PDXDC1: variants seen among roughly 807,000 people sequenced by gnomAD.
PDXDC1 encodes the protein pyridoxal dependent decarboxylase domain containing 1, also known as pyridoxal-dependent decarboxylase domain-containing protein 1.
In PDXDC1, 42 loss-of-function variants were observed where a neutral mutation model predicts 100.1. That is an observed-to-expected ratio of 0.42 (90% CI 0.33 to 0.54). The LOEUF (loss-of-function observed/expected upper bound fraction) is 0.54, where lower values mean the gene tolerates loss of function less well. Ranked by LOEUF, PDXDC1 falls within the 20% of genes least tolerant of loss-of-function variation. The pLI is 0.10. For synonymous variants in PDXDC1, 260 were observed against 371.7 expected (o/e 0.70, Z 3.46); for missense variants, 636 against 979.2 (o/e 0.65, Z 4.68).
chr16:15,098,653 T>C (rs1217409081), intron 16 of PDXDC1, among the ~76,000 whole-genome samples: 1 of 151,404 alleles, frequency 6.6e-6, no homozygotes, highest in Admixed American at 6.6e-5. Flanking sequence ...CCAAGGTGGG[T>C]GGATCACCTG....
chr16:15,118,746 TTTAA>T (rs2065866519), intron 16 of PDXDC1, among the ~76,000 whole-genome samples: 1 of 145,006 alleles, frequency 6.9e-6, no homozygotes, highest in South Asian at 2.2e-4. Context: ...CACCGACCTA[TTTAA>T]TTTTCATAAT....
chr16:15,117,561 T>C (rs1344688360), intron 16 of PDXDC1, among the ~76,000 whole-genome samples: 2 of 151,194 alleles, frequency 1.3e-5, no homozygotes, highest in African/African-American at 4.9e-5. Context: ...GGCATGGTGG[T>C]GGGCACCTGT....
At chr16:15,030,784 C>T (rs1339453228) in intron 16 of PDXDC1, among the ~76,000 whole-genome samples, 4 of 151,582 alleles carry the variant, frequency 2.6e-5, no homozygotes, top group Admixed American at 6.6e-5. Flanking sequence ...GGTTTTGCCA[C>T]GTTGGCCAGG....
intron 1 of PDXDC1, among the ~76,000 whole-genome samples, chr16:14,991,437 AC>A (rs1324822386): frequency 6.6e-6 from 1 of 152,252 alleles, no homozygotes; most frequent in Non-Finnish European, 1.5e-5. Context: ...AGTAGTTGGG[AC>A]TACAGGCGTG....
intron 16 of PDXDC1, among the ~76,000 whole-genome samples, chr16:15,106,619 G>A (rs1211144951): frequency 6.7e-6 from 1 of 149,194 alleles, no homozygotes; most frequent in African/African-American, 2.4e-5. Context: ...GGCGGGCGTG[G>A]TGGCAGGCAC....
chr16:14,978,881 T>A (rs1368900154), intron 1 of PDXDC1, among the ~76,000 whole-genome samples: 3 of 152,294 alleles, frequency 2.0e-5, no homozygotes, highest in Non-Finnish European at 2.9e-5. Flanking sequence ...TTGGGTCAGA[T>A]AATTTGCTGT....
rs140949818 is a variant in PDXDC1, at chr16:15,112,056, G to A, written c.1400-26823G>A. Among the ~76,000 whole-genome samples, 609 of 147,230 alleles carry A rather than the reference G, an allele frequency of 4.1e-3. 14 individuals are homozygous for A. The highest frequency in any genetic ancestry group is 0.014 in the African/African-American group (564 of 41,228). On this transcript the variant is annotated intron_variant, in intron 16 of 16. Coordinates refer to the PDXDC1 transcript ENST00000535621. ...TCGTTGAGGCTGGTTTGAACTTTAC[G>A]CAAAACATTCTCACTAATGACTGAA...
At chr16:15,142,915 G>A (rs1296529557), downstream of PDXDC1, among the ~76,000 whole-genome samples, 2 of 152,076 alleles carry the variant, frequency 1.3e-5, no homozygotes, top group African/African-American at 4.8e-5. Context: ...ACAGAGCAGA[G>A]TGCAGGGTCC....
At chr16:15,147,817 T>G in the PDXDC1 span, among the ~76,000 whole-genome samples, 1 of 151,986 alleles carries the variant, frequency 6.6e-6, no homozygotes, top group East Asian at 1.9e-4. Context: ...GCCTCCTAAT[T>G]AGCTGGGATT....
chr16:15,121,027 G>GAAAT (rs1378480865), intron 16 of PDXDC1, among the ~76,000 whole-genome samples: 1 of 97,106 alleles, frequency 1.0e-5, no homozygotes, highest in African/African-American at 5.0e-5. Flanking sequence ...GAATAGTGTG[G>GAAAT]GATTTCTCTA....
chr16:15,067,144 C>A (rs1256482526), intron 16 of PDXDC1, among the ~76,000 whole-genome samples: 4 of 151,184 alleles, frequency 2.6e-5, no homozygotes, highest in Non-Finnish European at 4.4e-5. Flanking sequence ...AGAGAGGACA[C>A]CTTGAACCAG....
intron 16 of PDXDC1, chr16:15,068,250 A>G: frequency 3.8e-6 from 6 of 1,583,492 alleles, no homozygotes; most frequent in Non-Finnish European, 5.1e-6. Flanking sequence ...TATCCGCTCA[A>G]AATTCAGACT....
intron 16 of PDXDC1, chr16:15,128,124 C>A: frequency 6.2e-7 from 1 of 1,610,206 alleles, no homozygotes; most frequent in Non-Finnish European, 8.5e-7. Flanking sequence ...AGGAACCAGG[C>A]AGGGCTGAGC....
chr16:15,036,191 C>A lies in PDXDC1; in HGVS notation c.2283C>A (p.Thr761=). The A allele has an allele frequency of 1.9e-6, 3 of 1,614,064 alleles. No individual in the cohort carries two copies. Among genetic ancestry groups the A allele is most frequent in the Non-Finnish European group, 2.5e-6 (3 of 1,179,998 alleles). Residue 761 remains threonine (T), a synonymous_variant, in exon 23 of 23, where the codon ACC becomes ACA. Transcript: ENST00000396410. The part of the protein sequence containing the change: ...GHPGAPSPQH[T]DQTEAFQKGV... ...CAGGGGCTCCCAGCCCTCAGCACACCGACCAGACCGAGGCCTTCCAGAAAG... is the reference window on the plus strand; with the variant it reads ...CAGGGGCTCCCAGCCCTCAGCACACAGACCAGACCGAGGCCTTCCAGAAAG...
chr16:15,021,648 C>T (rs2042218094), intron 12 of PDXDC1, among the ~76,000 whole-genome samples: 2 of 152,288 alleles, frequency 1.3e-5, no homozygotes, highest in South Asian at 4.1e-4. Context: ...GCAGGCAGAA[C>T]CGTATACTCC....
At chr16:15,060,108 G>C (rs1567178296) in intron 16 of PDXDC1, 1 of 335,988 alleles carries the variant, frequency 3.0e-6, no homozygotes, top group East Asian at 1.0e-4. Flanking sequence ...TTTCACCATG[G>C]ATTTTTTTTC....
At chr16:15,015,663 T>G (rs1369249670) in intron 8 of PDXDC1, among the ~76,000 whole-genome samples, 1 of 152,082 alleles carries the variant, frequency 6.6e-6, no homozygotes, top group African/African-American at 2.4e-5. Context: ...GGTTGCAGAG[T>G]TGAGATCATG....
the PDXDC1 span, among the ~76,000 whole-genome samples, chr16:15,149,699 C>T: frequency 6.6e-6 from 1 of 152,170 alleles, no homozygotes; most frequent in Non-Finnish European, 1.5e-5. Flanking sequence ...CCTACCAAGT[C>T]CCTCGATGTG....
At chr16:15,093,273 G>A (rs2046213645) in intron 16 of PDXDC1, among the ~76,000 whole-genome samples, 1 of 152,138 alleles carries the variant, frequency 6.6e-6, no homozygotes, top group African/African-American at 2.4e-5. Context: ...CAAAGTGCTG[G>A]GATTACAGGC....
Sources: gnomAD v4.1 joint callset for allele counts (sites outside exome capture counted in the v4.1 genomes callset) on GRCh38, gnomAD v4.1.1 for gene constraint, MANE v1.5 for transcripts, NCBI Gene and HGNC (gene_info 2026-07-23, HGNC 2026-07-21) for gene names.